The following GABRA1 variants were observed in gnomAD, a reference collection of about 807,000 sequenced individuals.
The protein encoded by GABRA1 is gamma-aminobutyric acid type A receptor subunit alpha1, also known as gamma-aminobutyric acid receptor subunit alpha-1.
Under a neutral mutation model 48.9 loss-of-function variants are expected in GABRA1, and 9 were observed. The ratio of observed to expected loss-of-function variants is 0.18; its 90% CI spans 0.11 to 0.32. GABRA1 has a LOEUF of 0.32. GABRA1 is among the 10% of genes least tolerant of loss of function. The pLI is 1.00. For missense variants in GABRA1, 285 were observed against 553.8 expected (o/e 0.51, Z 4.87); for synonymous variants, 210 against 198.7 (o/e 1.06, Z -0.48).
rs183620957 is a variant in GABRA1, at chr5:161,858,666, C to T, written c.187+4396C>T. Among the ~76,000 whole-genome samples the T allele has an allele frequency of 9.9e-5, 15 of 151,876 alleles. No homozygotes were observed. The East Asian group carries it at 2.9e-3, about 29-fold the overall frequency. On this transcript the variant is annotated intron_variant, in intron 3 of 9. Coordinates refer to ENST00000393943, the MANE Select transcript of GABRA1 (RefSeq NM_001127644.2). ...TTCTATAAACACATTCATTTCACTT[C>T]TTGGAAAACAAATTAGGGCAGATAC...
chr5:161,848,731 A>T (rs943710174), intron 1 of GABRA1: 2 of 269,250 alleles, frequency 7.4e-6, no homozygotes, highest in Admixed American at 9.9e-5. Flanking sequence ...GCATATTTGA[A>T]TGTATTCCGC....
At chr5:161,856,804 T>C (rs959142574) in intron 3 of GABRA1, among the ~76,000 whole-genome samples, 1 of 151,286 alleles carries the variant, frequency 6.6e-6, no homozygotes. Context: ...ATTAGAGAAC[T>C]ATAGTTTAAA....
Position 161,864,340 on chromosome 5 carries a change from C to T in GABRA1, c.188-1381C>T, listed in dbSNP as rs904001944. On this transcript the variant is annotated intron_variant, in intron 3 of 9. Transcript: ENST00000393943. ...CTAGCATTAGGTATATCTCCCAATG[C>T]TATCCCTCCAAAAATATTGTATTGT... is the stretch of plus-strand genomic sequence containing the variant. Among the ~76,000 whole-genome samples the T allele has an allele frequency of 3.9e-5, 6 of 152,126 alleles. No homozygotes were observed. The East Asian group carries it at 9.7e-4, about 25-fold the overall frequency.
At chr5:161,893,013 AATAAT>A (rs1561586215) in intron 8 of GABRA1, among the ~76,000 whole-genome samples, 13 of 63,134 alleles carry the variant, frequency 2.1e-4, no homozygotes, top group South Asian at 7.7e-4. Flanking sequence ...TCAAAAAAAT[AATAAT>A]AATAATAATA....
At chr5:161,867,545 A>G (rs773322379) in intron 4 of GABRA1, among the ~76,000 whole-genome samples, 29 of 152,120 alleles carry the variant, frequency 1.9e-4, no homozygotes, top group Non-Finnish European at 3.5e-4. Flanking sequence ...TCAAATGTAT[A>G]TATTATTATA....
Position 161,899,738 on chromosome 5 carries a change from G to A in GABRA1, c.*2316G>A, listed in dbSNP as rs921372189. The A allele has an allele frequency of 6.6e-6, 1 of 152,126 alleles. No individual in the cohort carries two copies. Among genetic ancestry groups the A allele is most frequent in the Non-Finnish European group, 1.5e-5 (1 of 68,010 alleles). The allele number at this position is 152,126 out of a possible 1,614,324, so 9.4% of individuals were successfully genotyped here. On this transcript the variant is annotated 3_prime_UTR_variant, in exon 10 of 10. Coordinates refer to ENST00000393943, the MANE Select transcript of GABRA1 (RefSeq NM_001127644.2). Reference sequence around the variant, plus strand: ...TTGAAAATAAAGATACACTCTTATAGGGGACAGTTCCTGTTCACTCCCAGG... The same window carrying A: ...TTGAAAATAAAGATACACTCTTATAAGGGACAGTTCCTGTTCACTCCCAGG...
At chr5:161,868,664 C>T (rs1753980972) in intron 4 of GABRA1, among the ~76,000 whole-genome samples, 1 of 152,104 alleles carries the variant, frequency 6.6e-6, no homozygotes, top group African/African-American at 2.4e-5. Context: ...TGGCATGGTG[C>T]TCACAGAGTC....
rs1755426866 is a variant in GABRA1, at chr5:161,897,552, C to A, written c.*130C>A. The A allele has an allele frequency of 3.3e-6, 3 of 918,006 alleles. No individual in the cohort carries two copies. Among genetic ancestry groups the A allele is most frequent in the African/African-American group, 3.3e-5 (2 of 59,948 alleles). 56.9% of individuals were successfully genotyped at this position (918,006 alleles called of 1,614,324 possible). ...TGAAAGTTTCCTTATTTTCATAATTCATTTAAGAACAAGAGACCCCTGTCT... is the reference window on the plus strand; with the variant it reads ...TGAAAGTTTCCTTATTTTCATAATTAATTTAAGAACAAGAGACCCCTGTCT... On this transcript the variant is annotated 3_prime_UTR_variant, in exon 10 of 10. Transcript: ENST00000393943.
intron 7 of GABRA1, among the ~76,000 whole-genome samples, chr5:161,884,529 A>T (rs1293781046): frequency 6.6e-6 from 1 of 152,184 alleles, no homozygotes; most frequent in African/African-American, 2.4e-5. Context: ...TTAATGAATA[A>T]AAAGTAAATC....
chr5:161,858,955 G>C (rs140992798), intron 3 of GABRA1, among the ~76,000 whole-genome samples: 1 of 151,734 alleles, frequency 6.6e-6, no homozygotes, highest in Admixed American at 6.6e-5. Context: ...TTCCTAAAAC[G>C]ACAAATCCTG....
At position 161,850,867 on chromosome 5, in the gene GABRA1, C is replaced by T; in HGVS notation, c.57C>T (p.Ser19=). Residue 19 remains serine (S), a synonymous_variant, in exon 2 of 10, where the codon AGC becomes AGT. Coordinates refer to ENST00000393943, the MANE Select transcript of GABRA1 (RefSeq NM_001127644.2). ...DCLWAWILLL[S]TLTGRSYGQP... The stretch of plus-strand genomic sequence containing the variant: ...TTTGGGCCTGGATCCTCCTTCTGAG[C>T]ACACTGACTGGAAGAAGGTGGGGAC... 6.2e-7 allele frequency: 1 copy of T among 1,613,728 alleles called. No individual in the cohort carries two copies. The highest frequency in any genetic ancestry group is 8.5e-7 in the Non-Finnish European group (1 of 1,179,648).
intron 6 of GABRA1, among the ~76,000 whole-genome samples, chr5:161,879,453 A>C (rs2113402673): frequency 6.6e-6 from 1 of 152,260 alleles, no homozygotes; most frequent in South Asian, 2.1e-4. Flanking sequence ...GGGGCATTAT[A>C]ATTTATTTGA....
At position 161,848,197 on chromosome 5, in the gene GABRA1, A is replaced by T. The variant is rs1402044979; in HGVS notation, c.-241A>T. ...GAAATCTTTTGTTGTATAGCTGCAG[A>T]TTGGATATTGGGAAGCAAATTTGGG... On this transcript the variant is annotated 5_prime_UTR_variant, in exon 1 of 10. Transcript: ENST00000393943. 2 of 152,110 alleles carry T rather than the reference A, an allele frequency of 1.3e-5. No homozygotes were observed. Among genetic ancestry groups the T allele is most frequent in the Non-Finnish European group, 2.9e-5 (2 of 68,092 alleles). The allele number at this position is 152,110 out of a possible 1,614,324, so 9.4% of individuals were successfully genotyped here.
chr5:161,848,510 G>GC (rs1305690607), intron 1 of GABRA1, 88 bp downstream of exon 1: 1 of 92,720 alleles, frequency 1.1e-5, no homozygotes, highest in Non-Finnish European at 2.0e-5. Context: ...ATAGTCGGGG[G>GC]GGGGGGGCGG....
At chr5:161,849,155 C>T (rs1407338872) in intron 1 of GABRA1, 1 of 277,930 alleles carries the variant, frequency 3.6e-6, no homozygotes, top group East Asian at 1.4e-4. Context: ...TTCTTAACAA[C>T]TGAAGTGCCA....
intron 4 of GABRA1, among the ~76,000 whole-genome samples, chr5:161,868,158 T>A (rs1753954521): frequency 6.6e-6 from 1 of 152,082 alleles, no homozygotes; most frequent in African/African-American, 2.4e-5. Flanking sequence ...GGAATTAAAA[T>A]GTCATATATA....
intron 3 of GABRA1, among the ~76,000 whole-genome samples, chr5:161,857,972 T>A (rs555159430): frequency 1.5e-5 from 2 of 135,354 alleles, no homozygotes; most frequent in Non-Finnish European, 3.2e-5. Context: ...AATGGGAAGA[T>A]GTGAAAGAAA....
At chr5:161,879,851 A>AT (rs934952355) in intron 6 of GABRA1, among the ~76,000 whole-genome samples, 1 of 152,150 alleles carries the variant, frequency 6.6e-6, no homozygotes, top group South Asian at 2.1e-4. Flanking sequence ...ATGGTAACAC[A>AT]TTTTTCCCCC....
chr5:161,869,418 A>G (rs974099786), intron 4 of GABRA1, among the ~76,000 whole-genome samples: 1 of 152,300 alleles, frequency 6.6e-6, no homozygotes, highest in South Asian at 2.1e-4. Flanking sequence ...ATTTAGCCCT[A>G]GAGACTCCAT....
Sources: gnomAD v4.1 joint callset for allele counts (sites outside exome capture counted in the v4.1 genomes callset) on GRCh38, gnomAD v4.1.1 for gene constraint, MANE v1.5 for transcripts, NCBI Gene and HGNC (gene_info 2026-07-23, HGNC 2026-07-21) for gene names.